AXDND1: variants seen among roughly 807,000 people sequenced by gnomAD.
The protein encoded by AXDND1 is axonemal dynein light chain domain-containing protein 1.
In AXDND1, 110 loss-of-function variants were observed where a neutral mutation model predicts 137.5. The ratio of observed to expected loss-of-function variants is 0.80; its 90% CI spans 0.69 to 0.94. The LOEUF (loss-of-function observed/expected upper bound fraction) is 0.94, where lower values mean the gene tolerates loss of function less well. Among genes scored for constraint, AXDND1 ranks in the 40% least tolerant of loss-of-function variants. The pLI is 0.00. For missense variants in AXDND1, 1,191 were observed against 1,169.8 expected (o/e 1.02, Z -0.26); for synonymous variants, 414 against 399.7 (o/e 1.04, Z -0.43).
chr1:179,369,164 A>C (rs1667772615), intron 3 of AXDND1, among the ~76,000 whole-genome samples, 192 bp downstream of exon 3: 1 of 152,156 alleles, frequency 6.6e-6, no homozygotes, highest in South Asian at 2.1e-4. Flanking sequence ...TGCAGCCTCG[A>C]CTACCCTGGC....
chr1:179,430,372 A>G, intron 13 of AXDND1, 80 bp from the exon 14 acceptor site: 1 of 1,091,640 alleles, frequency 9.2e-7, no homozygotes, highest in Admixed American at 2.6e-5. Context: ...TACAATATTA[A>G]TAATGGCCTG....
intron 25 of AXDND1, among the ~76,000 whole-genome samples, chr1:179,540,039 G>C (rs760630893): frequency 5.3e-5 from 8 of 151,786 alleles, no homozygotes; most frequent in Non-Finnish European, 1.2e-4. Flanking sequence ...TTTCAGCTCC[G>C]TCAGGTCATT....
intron 12 of AXDND1, among the ~76,000 whole-genome samples, chr1:179,422,022 A>G (rs1266873475): frequency 1.3e-5 from 2 of 148,744 alleles, no homozygotes; most frequent in East Asian, 4.0e-4. Context: ...CCTGGGCAAC[A>G]AGAACGAAAC....
chr1:179,478,796 T>A (rs1053285960), intron 17 of AXDND1, among the ~76,000 whole-genome samples: 25 of 152,356 alleles, frequency 1.6e-4, no homozygotes, highest in African/African-American at 6.0e-4. Context: ...ATGCTCTGTT[T>A]CCCTTTTAAA....
At position 179,444,965 on chromosome 1, in the gene AXDND1, T is replaced by G. The variant is rs1176959659; in HGVS notation, c.1564-5T>G. The G allele has an allele frequency of 1.3e-6, 2 of 1,580,966 alleles. No individual in the cohort carries two copies. ...GCTACTCTCCCTCTTCCTTTCACTC[T>G]TTAGATCCTGAATGAGAAAAAAGAA... On this transcript the variant is annotated splice_polypyrimidine_tract_variant and splice_region_variant and intron_variant, in intron 15 of 25. Transcript: ENST00000367618.
chr1:179,462,659 G>A (rs1211639421), intron 16 of AXDND1, among the ~76,000 whole-genome samples: 2 of 152,206 alleles, frequency 1.3e-5, no homozygotes, highest in Non-Finnish European at 1.5e-5. Flanking sequence ...GAATTTGGCT[G>A]TGAATCTGTC....
At chr1:179,447,155 A>T (rs1659854394) in intron 16 of AXDND1, among the ~76,000 whole-genome samples, 1 of 152,130 alleles carries the variant, frequency 6.6e-6, no homozygotes, top group Non-Finnish European at 1.5e-5. Flanking sequence ...ATACAGGGGT[A>T]TATTTGTTCT....
At chr1:179,492,598 A>T (rs957633362) in intron 19 of AXDND1, among the ~76,000 whole-genome samples, 5 of 152,166 alleles carry the variant, frequency 3.3e-5, no homozygotes, top group African/African-American at 1.2e-4. Context: ...ATTCTAAGCA[A>T]ATTTTCCCTT....
At chr1:179,515,677 T>C (rs1319051033) in intron 21 of AXDND1, among the ~76,000 whole-genome samples, 7 of 152,172 alleles carry the variant, frequency 4.6e-5, no homozygotes, top group Non-Finnish European at 1.0e-4. Context: ...TTTCCAAACT[T>C]TTAGATTTCT....
intron 15 of AXDND1, among the ~76,000 whole-genome samples, chr1:179,439,266 C>T (rs1371927539): frequency 2.6e-5 from 4 of 152,094 alleles, no homozygotes; most frequent in African/African-American, 7.2e-5. Flanking sequence ...GTGAGCACAC[C>T]AGTTACATTA....
intron 15 of AXDND1, among the ~76,000 whole-genome samples, chr1:179,444,408 G>A (rs1310488807): frequency 6.6e-6 from 1 of 151,960 alleles, no homozygotes; most frequent in Non-Finnish European, 1.5e-5. Flanking sequence ...GTCTCCCCAT[G>A]CTAATTACTC....
In AXDND1 at chr1:179,456,350, T is replaced by A. The variant is rs966167277; in HGVS notation, c.1798+11146T>A. The A allele has an allele frequency of 3.9e-6, 3 of 770,428 alleles. No homozygotes were observed. In the African/African-American group the frequency reaches 5.1e-5, roughly 13 times the overall value. 47.7% of individuals were successfully genotyped at this position (770,428 alleles called of 1,614,324 possible). The stretch of plus-strand genomic sequence containing the variant: ...CAGAACTTCTGCCTCCAAAGTTTCC[T>A]CCCTTCGTGGGTCCAAAATTTGAAG... On this transcript the variant is annotated intron_variant, in intron 16 of 25. Coordinates refer to ENST00000367618, the MANE Select transcript of AXDND1 (RefSeq NM_144696.6).
chr1:179,399,135 G>A (rs1039595899), intron 11 of AXDND1, among the ~76,000 whole-genome samples: 2 of 152,074 alleles, frequency 1.3e-5, no homozygotes, highest in Non-Finnish European at 2.9e-5. Flanking sequence ...TGTATTGTAT[G>A]CACTATTCTA....
intron 16 of AXDND1, among the ~76,000 whole-genome samples, chr1:179,446,090 C>T (rs1376533840): frequency 6.6e-6 from 1 of 152,100 alleles, no homozygotes; most frequent in Non-Finnish European, 1.5e-5. Flanking sequence ...CTGATGACTA[C>T]TGATGTCAAG....
chr1:179,549,273 A>C (rs1213286988), intron 25 of AXDND1, among the ~76,000 whole-genome samples: 2 of 152,156 alleles, frequency 1.3e-5, no homozygotes, highest in African/African-American at 4.8e-5. Context: ...ACCTTTGACT[A>C]TCCACTATAC....
intron 17 of AXDND1, among the ~76,000 whole-genome samples, chr1:179,470,129 G>C (rs1290237727): frequency 1.3e-5 from 2 of 152,122 alleles, no homozygotes; most frequent in Non-Finnish European, 2.9e-5. Context: ...ATCAGTCATG[G>C]ATTTATTTCT....
intron 12 of AXDND1, among the ~76,000 whole-genome samples, chr1:179,427,800 A>G (rs1033500249): frequency 1.6e-4 from 25 of 152,158 alleles, no homozygotes; most frequent in Admixed American, 1.6e-3. Context: ...TAATTTGCCT[A>G]AGTTCACATA....
chr1:179,435,316 A>G (rs1657988531), intron 15 of AXDND1, among the ~76,000 whole-genome samples: 1 of 152,186 alleles, frequency 6.6e-6, no homozygotes. Flanking sequence ...TAGCATTGAC[A>G]TTCTTCACAG....
intron 16 of AXDND1, chr1:179,449,289 C>T (rs1660187199): frequency 6.2e-6 from 2 of 324,116 alleles, no homozygotes; most frequent in South Asian, 4.5e-5. Flanking sequence ...TAACATTCTT[C>T]CTCCATTTAA....
Sources: gnomAD v4.1 joint callset for allele counts (sites outside exome capture counted in the v4.1 genomes callset) on GRCh38, gnomAD v4.1.1 for gene constraint, MANE v1.5 for transcripts, NCBI Gene and HGNC (gene_info 2026-07-23, HGNC 2026-07-21) for gene names.